The following APPL1 variants were observed in gnomAD, a reference collection of about 807,000 sequenced individuals.
APPL1 encodes the protein DCC-interacting protein 13-alpha.
Under a neutral mutation model 106.8 loss-of-function variants are expected in APPL1, and 42 were observed. The ratio of observed to expected loss-of-function variants is 0.39; its 90% CI spans 0.31 to 0.51. The LOEUF (loss-of-function observed/expected upper bound fraction) is 0.51. Ranked by LOEUF, APPL1 falls within the 20% of genes least tolerant of loss-of-function variation. The probability of loss-of-function intolerance (pLI) is 0.75; values close to 1 mark genes in which losing one functional copy is unlikely to be tolerated. For missense variants in APPL1, 769 were observed against 858.2 expected, an observed-to-expected ratio of 0.90 and a Z score of 1.30; for synonymous variants, 263 against 281.8, an observed-to-expected ratio of 0.93 and a Z score of 0.67.
In APPL1 at chr3:57,272,598, GA is replaced by G. The variant is rs142729232; in HGVS notation, c.*2920del. ...GTAAAACCTGCCACCTGAATAAAAT[GA>G]AAAAAAAAGTGTTTTTTTGAGACAG... On this transcript the variant is annotated 3_prime_UTR_variant, in exon 22 of 22. Coordinates refer to ENST00000288266, the MANE Select transcript of APPL1 (RefSeq NM_012096.3). 17 of 150,296 alleles carry G rather than the reference GA, an allele frequency of 1.1e-4. No individual in the cohort carries two copies. The highest frequency in any genetic ancestry group is 3.4e-4 in the African/African-American group (14 of 40,834). 9.3% of individuals were successfully genotyped at this position (150,296 alleles called of 1,614,324 possible). A position where few individuals can be genotyped will look rare whatever the true frequency, so the allele number is the denominator to read the frequency against.
At chr3:57,268,666 A>G in intron 21 of APPL1, 179 bp downstream of exon 21, 1 of 518,682 alleles carries the variant, frequency 1.9e-6, no homozygotes, top group Non-Finnish European at 3.0e-6. Flanking sequence ...TATGATGTTT[A>G]CATTATAGTT....
intron 15 of APPL1, among the ~76,000 whole-genome samples, chr3:57,258,158 C>T (rs1036769019): frequency 6.6e-6 from 1 of 152,146 alleles, no homozygotes; most frequent in Non-Finnish European, 1.5e-5. Flanking sequence ...GCTTCCAAAA[C>T]CTACTTTGTT....
intron 8 of APPL1, among the ~76,000 whole-genome samples, chr3:57,246,907 A>G (rs912044124): frequency 2.6e-5 from 4 of 151,354 alleles, no homozygotes; most frequent in African/African-American, 9.7e-5. Context: ...GGAGGCTGAA[A>G]TGGAAGGATC....
At chr3:57,262,813 GGTGTGTGTGTGTGTGTGTGT>G (rs4060605) in intron 19 of APPL1, among the ~76,000 whole-genome samples, 3 of 142,706 alleles carry the variant, frequency 2.1e-5, no homozygotes, top group African/African-American at 7.8e-5. Context: ...GGGTACAAGG[GGTGTGTGTGTGTGTGTGTGT>G]GTGTGTGTGT....
intron 2 of APPL1, among the ~76,000 whole-genome samples, chr3:57,237,130 T>A (rs776387392): frequency 2.0e-5 from 3 of 152,224 alleles, no homozygotes; most frequent in Admixed American, 6.5e-5. Context: ...ATTAAGTGCT[T>A]ACTGTAGTCT....
chr3:57,250,969 G>A (rs1445904242), intron 11 of APPL1, among the ~76,000 whole-genome samples: 1 of 148,762 alleles, frequency 6.7e-6, no homozygotes, highest in Non-Finnish European at 1.5e-5. Flanking sequence ...TACCACGCCC[G>A]GCTAATTTTT....
chr3:57,270,482 A>G lies in APPL1; in HGVS notation c.*795A>G, dbSNP rs922080672. 2.0e-5 allele frequency: 3 copies of G among 152,626 alleles called. No individual in the cohort carries two copies. Among genetic ancestry groups the G allele is most frequent in the Non-Finnish European group, 2.9e-5 (2 of 68,036 alleles). The allele number at this position is 152,626 out of a possible 1,614,324, so 9.5% of individuals were successfully genotyped here. A position where few individuals can be genotyped will look rare whatever the true frequency, so the allele number is the denominator to read the frequency against. ...AAGATTTTTGTTCAATACATTTTAG[A>G]TTAGGATTGACAAGTAAAGATACTG... On this transcript the variant is annotated 3_prime_UTR_variant, in exon 22 of 22. Transcript: ENST00000288266.
chr3:57,265,274 A>G (rs1049072257), intron 19 of APPL1, among the ~76,000 whole-genome samples: 1 of 151,986 alleles, frequency 6.6e-6, no homozygotes, highest in Non-Finnish European at 1.5e-5. Context: ...TCAGCCTCCC[A>G]GGTACCTGGG....
chr3:57,237,028 G>A (rs554388533), intron 2 of APPL1, among the ~76,000 whole-genome samples: 32 of 152,194 alleles, frequency 2.1e-4, no homozygotes, highest in Admixed American at 1.3e-3. Flanking sequence ...TGTTCTCTTT[G>A]TTATATTCAC....
Position 57,259,976 on chromosome 3 carries a change from C to T in APPL1, c.1615C>T (p.Arg539Cys), listed in dbSNP as rs1041140473. 5.0e-6 allele frequency: 8 copies of T among 1,613,736 alleles called. No homozygotes were observed. Among genetic ancestry groups the T allele is most frequent in the African/African-American group, 1.3e-5 (1 of 74,882 alleles). The change falls in exon 17 of 22, where the codon CGT (arginine) becomes TGT (cysteine). Residue 539 changes from arginine (R) to cysteine (C), a missense_variant. Physicochemically the swap from Arg to Cys is radical, Grantham distance 180. Coordinates refer to ENST00000288266, the MANE Select transcript of APPL1 (RefSeq NM_012096.3). ...LAARAIHNIFRMTESHLLVTC... is the reference protein window; with the variant it reads ...LAARAIHNIFCMTESHLLVTC... ...TGCCCGGGCCATCCATAACATCTTT[C>T]GTATGACAGAATCGCATTTATTAGT...
chr3:57,237,400 T>C lies in APPL1; in HGVS notation c.154-92T>C, dbSNP rs1010088878. The C allele has an allele frequency of 3.6e-5, 31 of 867,590 alleles. No homozygotes were observed. The Admixed American group carries it at 8.6e-4, about 24-fold the overall frequency. 53.7% of individuals were successfully genotyped at this position (867,590 alleles called of 1,614,324 possible). A position where few individuals can be genotyped will look rare whatever the true frequency, so the allele number is the denominator to read the frequency against. ...TTTTAAAAAACATGTACAATATTTATGTTAAGTGATAATAAATAAATTAGG... is the reference window on the plus strand; with the variant it reads ...TTTTAAAAAACATGTACAATATTTACGTTAAGTGATAATAAATAAATTAGG... On this transcript the variant is annotated intron_variant, in intron 2 of 21. Transcript: ENST00000288266.
Position 57,235,582 on chromosome 3 carries a change from G to A in APPL1, c.71G>A (p.Gly24Asp). 6.2e-7 allele frequency: 1 copy of A among 1,609,242 alleles called. No individual in the cohort carries two copies. Among genetic ancestry groups the A allele is most frequent in the Non-Finnish European group, 8.5e-7 (1 of 1,176,070 alleles). ...EDSPQTRSLL[G>D]VFEEDATAIS... The stretch of plus-strand genomic sequence containing the variant: ...TTTATACAGACAAGGTCTTTACTAG[G>A]TGTATTTGAAGAAGATGCCACAGCT... Residue 24 changes from glycine to aspartate, a missense_variant, in exon 2 of 22, where the codon GGT becomes GAT. Transcript: ENST00000288266.
intron 19 of APPL1, among the ~76,000 whole-genome samples, chr3:57,263,284 C>T (rs2060877312): frequency 6.6e-6 from 1 of 152,084 alleles, no homozygotes; most frequent in African/African-American, 2.4e-5. Context: ...CAATTATACT[C>T]TTTTAGTTAT....
At chr3:57,234,464 A>G (rs1437327884) in intron 1 of APPL1, among the ~76,000 whole-genome samples, 1 of 150,262 alleles carries the variant, frequency 6.7e-6, no homozygotes, top group East Asian at 2.0e-4. Context: ...TGCCTGGATA[A>G]TTTTTTTGTA....
At position 57,233,595 on chromosome 3, in the gene APPL1, A is replaced by G. The variant is rs1046436503; in HGVS notation, c.55-1971A>G. On this transcript the variant is annotated intron_variant, in intron 1 of 21. Coordinates refer to ENST00000288266, the MANE Select transcript of APPL1 (RefSeq NM_012096.3). ...TTTTTACATCTTAAAATAGCACTAT[A>G]TGGAATTGTAGTGGAGTGTTTGAAA... 5.3e-5 allele frequency among the ~76,000 whole-genome samples: 8 copies of G among 152,082 alleles called. No individual in the cohort carries two copies. The East Asian group carries it at 1.5e-3, about 29-fold the overall frequency.
At chr3:57,266,856 C>T (rs915828766) in intron 19 of APPL1, among the ~76,000 whole-genome samples, 2 of 152,216 alleles carry the variant, frequency 1.3e-5, no homozygotes, top group African/African-American at 4.8e-5. Flanking sequence ...GATATCCCTT[C>T]CCCAGTGAAA....
At chr3:57,254,073 G>C (rs565555790) in intron 13 of APPL1, among the ~76,000 whole-genome samples, 1 of 152,286 alleles carries the variant, frequency 6.6e-6, no homozygotes, top group Non-Finnish European at 1.5e-5. Flanking sequence ...ATGTTGGCCA[G>C]GCTGGTCTCG....
In APPL1 at chr3:57,273,189, A is replaced by G. The variant is rs1040778519; in HGVS notation, c.*3502A>G. Reference sequence around the variant, plus strand: ...TAACTAATATGCAAAATTGCTTTGTATATTTGGTGATTTTGTAATGTAAGT... The same window carrying G: ...TAACTAATATGCAAAATTGCTTTGTGTATTTGGTGATTTTGTAATGTAAGT... On this transcript the variant is annotated 3_prime_UTR_variant, in exon 22 of 22. Transcript: ENST00000288266. The G allele has an allele frequency of 6.6e-6, 1 of 152,646 alleles. No homozygotes were observed. The highest frequency in any genetic ancestry group is 1.5e-5 in the Non-Finnish European group (1 of 68,034). 9.5% of individuals were successfully genotyped at this position (152,646 alleles called of 1,614,324 possible). A position where few individuals can be genotyped will look rare whatever the true frequency, so the allele number is the denominator to read the frequency against.
chr3:57,242,220 T>G, intron 6 of APPL1, 78 bp downstream of exon 6: 1 of 1,116,468 alleles, frequency 9.0e-7, no homozygotes, highest in Non-Finnish European at 1.3e-6. Context: ...CCAGATTCTT[T>G]GTAATAATTG....
Sources: gnomAD v4.1 joint callset for allele counts (sites outside exome capture counted in the v4.1 genomes callset) on GRCh38, gnomAD v4.1.1 for gene constraint, MANE v1.5 for transcripts, NCBI Gene and HGNC (gene_info 2026-07-23, HGNC 2026-07-21) for gene names.